The following HMOX1 variants were observed in gnomAD, a reference collection of about 807,000 sequenced individuals.
The protein encoded by HMOX1 is heme oxygenase 1.
A neutral mutation model predicts 27.8 loss-of-function variants in HMOX1; 22 were observed. The ratio of observed to expected loss-of-function variants is 0.79; its 90% CI spans 0.57 to 1.13. The LOEUF (loss-of-function observed/expected upper bound fraction) is 1.13, where lower values mean the gene tolerates loss of function less well. HMOX1 is among the 50% of genes most tolerant of loss of function. HMOX1 has a pLI of 0.00. For missense variants in HMOX1, 379 were observed against 377.7 expected (o/e 1.00, Z -0.03); for synonymous variants, 153 against 151.6 (o/e 1.01, Z -0.07).
chr22:35,389,084 T>C (rs1417728824), intron 3 of HMOX1, among the ~76,000 whole-genome samples: 1 of 152,094 alleles, frequency 6.6e-6, no homozygotes, highest in Non-Finnish European at 1.5e-5. Context: ...CACAGTGAAC[T>C]CTAAATCCAG....
chr22:35,381,390 C>T (rs938857050), intron 1 of HMOX1, 194 bp downstream of exon 1: 2 of 645,608 alleles, frequency 3.1e-6, no homozygotes, highest in Admixed American at 2.8e-5. Context: ...CGGTAATTTA[C>T]ATGCCTGGCA....
At chr22:35,388,928 C>T (rs1396096939) in intron 3 of HMOX1, among the ~76,000 whole-genome samples, 1 of 152,166 alleles carries the variant, frequency 6.6e-6, no homozygotes, top group Non-Finnish European at 1.5e-5. Flanking sequence ...TTCAGCACAC[C>T]TCACCAAGGC....
At chr22:35,383,499 G>A (rs892239226) in intron 2 of HMOX1, among the ~76,000 whole-genome samples, 2 of 152,186 alleles carry the variant, frequency 1.3e-5, no homozygotes, top group Non-Finnish European at 2.9e-5. Flanking sequence ...TTTTGTACAC[G>A]TGGTTTCTAA....
chr22:35,383,484 G>C (rs1454079995), intron 2 of HMOX1, among the ~76,000 whole-genome samples: 2 of 152,166 alleles, frequency 1.3e-5, no homozygotes, highest in South Asian at 2.1e-4. Flanking sequence ...GTTCCATGTT[G>C]GGCATTTTGT....
At chr22:35,381,359 T>C (rs1170990286) in intron 1 of HMOX1, 163 bp downstream of exon 1, 2 of 790,846 alleles carry the variant, frequency 2.5e-6, no homozygotes, top group Non-Finnish European at 4.0e-6. Flanking sequence ...CCTGTGCCCG[T>C]AGGGTAGTTG....
intron 3 of HMOX1, among the ~76,000 whole-genome samples, chr22:35,389,215 C>CTCTT (rs764232156): frequency 0.06 from 6,760 of 112,218 alleles, 475 homozygotes; most frequent in East Asian, 0.12. Flanking sequence ...CTTTCTTTCT[C>CTCTT]TCTTTCTTTC....
chr22:35,390,342 G>A (rs1931682893), intron 4 of HMOX1: 2 of 314,676 alleles, frequency 6.4e-6, no homozygotes, highest in South Asian at 5.5e-5. Flanking sequence ...TCCTGCCTCA[G>A]CCCCCCGAGT....
At chr22:35,383,021 C>A in intron 1 of HMOX1, 85 bp from the exon 2 acceptor site, 2 of 1,568,200 alleles carry the variant, frequency 1.3e-6, no homozygotes, top group Non-Finnish European at 1.7e-6. Flanking sequence ...CTCTTGAAGG[C>A]CTGCCCACAG....
rs770555326 is a variant in HMOX1 at position 35,393,494 on chromosome 22, G to T, written c.763G>T (p.Gly255Trp). ...TTCTGCCCCCGTGGAGACTCCCAGAGGGAAGCCCCCACTCAACACCCGCTC... is the reference window on the plus strand; with the variant it reads ...TTCTGCCCCCGTGGAGACTCCCAGATGGAAGCCCCCACTCAACACCCGCTC... ...QDSAPVETPRGKPPLNTRSQA... is the reference protein window; with the variant it reads ...QDSAPVETPRWKPPLNTRSQA... The change falls in exon 5 of 5, where the codon GGG (glycine) becomes TGG (tryptophan). Residue 255 changes from glycine to tryptophan, a missense_variant. By Grantham distance (184) the Gly-to-Trp change is radical. Transcript: ENST00000216117. 1 of 1,614,182 alleles carries T rather than the reference G, an allele frequency of 6.2e-7. No individual in the cohort carries two copies. Among genetic ancestry groups the T allele is most frequent in the South Asian group, 1.1e-5 (1 of 91,086 alleles).
intron 3 of HMOX1, among the ~76,000 whole-genome samples, chr22:35,387,489 T>A (rs1430924641): frequency 6.6e-6 from 1 of 152,232 alleles, no homozygotes; most frequent in Non-Finnish European, 1.5e-5. Flanking sequence ...ACTACTGTCA[T>A]AATGGGACAT....
intron 3 of HMOX1, 108 bp downstream of exon 3, chr22:35,387,284 C>A: frequency 3.0e-6 from 4 of 1,333,824 alleles, no homozygotes; most frequent in Admixed American, 1.8e-5. Flanking sequence ...ACACAGGGAA[C>A]CAGAGTTCCA....
chr22:35,389,868 T>C lies in HMOX1; in HGVS notation c.641T>C (p.Phe214Ser). Residue 214 changes from phenylalanine (F) to serine (S), a missense_variant, in exon 4 of 5, where the codon TTT becomes TCT. Coordinates refer to ENST00000216117, the MANE Select transcript of HMOX1 (RefSeq NM_002133.3). ...KTAFLLNIQL[F>S]EELQELLTHD... ...TGTGTGTCTTTTGTCTTTTAGCTCT[T>C]TGAGGAGTTGCAGGAGCTGCTGACC... The C allele has an allele frequency of 6.2e-7, 1 of 1,606,384 alleles. No homozygotes were observed. Among genetic ancestry groups the C allele is most frequent in the Non-Finnish European group, 8.5e-7 (1 of 1,176,938 alleles).
chr22:35,381,462 G>C, intron 1 of HMOX1: 1 of 544,394 alleles, frequency 1.8e-6, no homozygotes, highest in Admixed American at 3.3e-5. Context: ...CTTTGAGGTA[G>C]CCAATTTTTT....
At chr22:35,388,556 G>A (rs541120242) in intron 3 of HMOX1, among the ~76,000 whole-genome samples, 43 of 152,142 alleles carry the variant, frequency 2.8e-4, no homozygotes, top group Admixed American at 6.6e-4. Flanking sequence ...GGGAGGCCGA[G>A]GCGGGTGGAT....
intron 4 of HMOX1, among the ~76,000 whole-genome samples, chr22:35,390,974 G>A (rs187247738): frequency 5.3e-4 from 81 of 152,290 alleles, no homozygotes; most frequent in Non-Finnish European, 8.5e-4. Context: ...CTGAGGGAGG[G>A]AGTGTGGCTT....
intron 4 of HMOX1, among the ~76,000 whole-genome samples, chr22:35,391,946 C>T (rs1267486828): frequency 2.6e-5 from 4 of 151,588 alleles, no homozygotes; most frequent in Admixed American, 6.6e-5. Flanking sequence ...CAGTTTTGGC[C>T]GGGCACGATG....
At chr22:35,390,028 G>A (rs960436691) in intron 4 of HMOX1, 65 bp downstream of exon 4, 2 of 1,067,336 alleles carry the variant, frequency 1.9e-6, no homozygotes, top group Non-Finnish European at 2.8e-6. Context: ...CTGTCTGACT[G>A]TAGTATCTCT....
At position 35,386,683 on chromosome 22, in the gene HMOX1, A is replaced by C. The variant is rs1470157714; in HGVS notation, c.145-2A>C. 1 of 1,613,970 alleles carries C rather than the reference A, an allele frequency of 6.2e-7. No homozygotes were observed. Among genetic ancestry groups the C allele is most frequent in the East Asian group, 2.2e-5 (1 of 44,884 alleles). On this transcript the variant is annotated splice_acceptor_variant, in intron 2 of 4. Coordinates refer to ENST00000216117, the MANE Select transcript of HMOX1 (RefSeq NM_002133.3). LOFTEE classifies it high-confidence loss of function. ...GGCCTGACCTGCTCACTCTGCTTTC[A>C]GCTGGTGATGGCCTCCCTGTACCAC...
intron 4 of HMOX1, among the ~76,000 whole-genome samples, chr22:35,392,879 G>A (rs1931756872): frequency 6.6e-6 from 1 of 151,950 alleles, no homozygotes; most frequent in Non-Finnish European, 1.5e-5. Flanking sequence ...ACCATACCCG[G>A]CTAATTTTTT....
Sources: gnomAD v4.1 joint callset for allele counts (sites outside exome capture counted in the v4.1 genomes callset) on GRCh38, gnomAD v4.1.1 for gene constraint, MANE v1.5 for transcripts, NCBI Gene and HGNC (gene_info 2026-07-23, HGNC 2026-07-21) for gene names.